Variants in KDM4C observed in about 807,000 individuals in gnomAD.
The protein encoded by KDM4C is lysine-specific demethylase 4C.
In KDM4C, 81 loss-of-function variants were observed where a neutral mutation model predicts 129.3. The ratio of observed to expected loss-of-function variants is 0.63; its 90% CI spans 0.52 to 0.75. The LOEUF (loss-of-function observed/expected upper bound fraction) is 0.75, where lower values mean the gene tolerates loss of function less well. Among genes scored for constraint, KDM4C ranks in the 30% least tolerant of loss-of-function variants. The probability of loss-of-function intolerance (pLI) is 0.00; values close to 1 mark genes in which losing one functional copy is unlikely to be tolerated. For synonymous variants in KDM4C, 573 were observed against 456.1 expected (o/e 1.26, Z -3.26); for missense variants, 1,457 against 1,304.0 (o/e 1.12, Z -1.81).
chr9:6,806,458 C>T (rs1829978271), intron 3 of KDM4C, among the ~76,000 whole-genome samples: 1 of 151,956 alleles, frequency 6.6e-6, no homozygotes, highest in African/African-American at 2.4e-5. Context: ...CACGCCATTG[C>T]ACTCCAGCCT....
chr9:6,964,706 CG>C (rs1393475199), intron 8 of KDM4C, among the ~76,000 whole-genome samples: 1 of 140,402 alleles, frequency 7.1e-6, no homozygotes, highest in African/African-American at 2.6e-5. Flanking sequence ...GGCGTGAACC[CG>C]GGAGGTGGAG....
intron 3 of KDM4C, among the ~76,000 whole-genome samples, chr9:6,806,937 C>T (rs1830098601): frequency 6.6e-6 from 1 of 152,014 alleles, no homozygotes; most frequent in East Asian, 1.9e-4. Flanking sequence ...CACGGTCTCC[C>T]TCTCATGCGG....
intron 5 of KDM4C, among the ~76,000 whole-genome samples, chr9:6,861,109 A>G (rs1840845090): frequency 6.6e-6 from 1 of 152,294 alleles, no homozygotes; most frequent in East Asian, 1.9e-4. Context: ...ACACATCTAT[A>G]ATTTGTAAGT....
chr9:7,050,442 C>CAAAAGAAAAAAA (rs749174137), intron 17 of KDM4C, among the ~76,000 whole-genome samples: 1 of 78,278 alleles, frequency 1.3e-5, no homozygotes, highest in Admixed American at 1.5e-4. Flanking sequence ...CCCAGATTAC[C>CAAAAGAAAAAAA]AAAAAAAAAA....
At chr9:6,930,715 T>C (rs1021918783) in intron 8 of KDM4C, among the ~76,000 whole-genome samples, 2 of 82,634 alleles carry the variant, frequency 2.4e-5, no homozygotes, top group Non-Finnish European at 6.3e-5. Context: ...ATGATTATAC[T>C]ATTATTATAA....
At chr9:6,845,062 C>T (rs1388484753) in intron 4 of KDM4C, among the ~76,000 whole-genome samples, 1 of 152,200 alleles carries the variant, frequency 6.6e-6, no homozygotes, top group Non-Finnish European at 1.5e-5. Flanking sequence ...CACATTATTT[C>T]TTTCTGTAGG....
chr9:6,759,206 A>T (rs1381945341), intron 1 of KDM4C, among the ~76,000 whole-genome samples: 1 of 152,184 alleles, frequency 6.6e-6, no homozygotes, highest in Non-Finnish European at 1.5e-5. Flanking sequence ...GAAAGTTACT[A>T]GTAGGTTCCG....
At chr9:6,757,930 G>T (rs187486343), upstream of KDM4C, 4 of 985,300 alleles carry the variant, frequency 4.1e-6, no homozygotes, top group African/African-American at 7.0e-5. Context: ...ACCAAGTGCG[G>T]GCCCCAGCGG....
At chr9:7,144,723 A>C (rs10976067) in intron 19 of KDM4C, among the ~76,000 whole-genome samples, 25,283 of 152,310 alleles carry the variant, frequency 0.17, 2,597 homozygotes, top group Middle Eastern at 0.35. Flanking sequence ...ACAGGAGTAC[A>C]TGCTCAGTCA....
In KDM4C at chr9:7,158,275, C is replaced by T. The variant is rs183214178; in HGVS notation, c.2782-6963C>T. 9.4e-3 allele frequency among the ~76,000 whole-genome samples: 1,427 copies of T among 151,026 alleles called. 10 individuals are homozygous for T. The highest frequency in any genetic ancestry group is 0.015 in the Non-Finnish European group (990 of 67,820). On this transcript the variant is annotated intron_variant, in intron 19 of 21. Transcript: ENST00000381309. ...TTTACTATTCTTGCTAGCGGTCTAT[C>T]AATTTTGTTGATCTTTTCAAAAAAC...
At chr9:6,809,059 T>C (rs953946231) in intron 3 of KDM4C, among the ~76,000 whole-genome samples, 2 of 152,204 alleles carry the variant, frequency 1.3e-5, no homozygotes, top group African/African-American at 2.4e-5. Context: ...AAAAATTATA[T>C]TTGACATTGT....
At chr9:7,088,511 A>T (rs1327404486) in intron 17 of KDM4C, among the ~76,000 whole-genome samples, 1 of 152,206 alleles carries the variant, frequency 6.6e-6, no homozygotes, top group African/African-American at 2.4e-5. Context: ...TAAAATTCAG[A>T]AGTAGTCCAT....
At chr9:7,082,684 G>A (rs1177589298) in intron 17 of KDM4C, among the ~76,000 whole-genome samples, 2 of 152,084 alleles carry the variant, frequency 1.3e-5, no homozygotes, top group African/African-American at 4.8e-5. Flanking sequence ...GTGTTGTCAC[G>A]CGTGGCTCCA....
At chr9:6,812,395 G>T (rs930741679) in intron 3 of KDM4C, among the ~76,000 whole-genome samples, 2 of 152,288 alleles carry the variant, frequency 1.3e-5, no homozygotes, top group Admixed American at 6.5e-5. Flanking sequence ...TGATCATTCT[G>T]TGTTTTGGGG....
chr9:6,994,155 C>T (rs1819270129), intron 12 of KDM4C, among the ~76,000 whole-genome samples: 1 of 152,068 alleles, frequency 6.6e-6, no homozygotes, highest in Non-Finnish European at 1.5e-5. Flanking sequence ...GATTTGTGTT[C>T]CTATGAGAGT....
chr9:6,775,587 A>T (rs538359232), intron 1 of KDM4C, among the ~76,000 whole-genome samples: 3 of 151,802 alleles, frequency 2.0e-5, no homozygotes, highest in African/African-American at 7.3e-5. Context: ...CAGTGGCACA[A>T]TCTCGGCTCA....
chr9:6,782,771 A>G (rs1384942220), intron 1 of KDM4C, among the ~76,000 whole-genome samples: 1 of 152,126 alleles, frequency 6.6e-6, no homozygotes. Flanking sequence ...TAGCATCATC[A>G]GTTTTGTGTC....
rs536007512 is a variant in KDM4C, at chr9:6,904,310, T to A, written c.921+11078T>A. 1.2e-4 allele frequency among the ~76,000 whole-genome samples: 19 copies of A among 152,302 alleles called. No individual in the cohort carries two copies. In the East Asian group the frequency reaches 3.5e-3, roughly 28 times the overall value. ...TACCTATATCTATATATGTCTTTCA[T>A]TTACAGCAAGTAAAACATTTCTGGG... On this transcript the variant is annotated intron_variant, in intron 8 of 21. Transcript: ENST00000381309.
intron 1 of KDM4C, among the ~76,000 whole-genome samples, chr9:6,724,680 A>G (rs1297573057): frequency 6.6e-6 from 1 of 151,960 alleles, no homozygotes; most frequent in Non-Finnish European, 1.5e-5. Context: ...ACAGGCACGC[A>G]CCACAACGCC....
Sources: gnomAD v4.1 joint callset for allele counts (sites outside exome capture counted in the v4.1 genomes callset) on GRCh38, gnomAD v4.1.1 for gene constraint, MANE v1.5 for transcripts, NCBI Gene and HGNC (gene_info 2026-07-23, HGNC 2026-07-21) for gene names.